ACTA2: variants seen among roughly 807,000 people sequenced by gnomAD.
ACTA2 encodes the protein actin, aortic smooth muscle.
ACTA2 carries 12 observed loss-of-function variants against 39.5 expected under a neutral mutation model. That is an observed-to-expected ratio of 0.30 (90% CI 0.19 to 0.49). ACTA2 has a LOEUF of 0.49. Among genes scored for constraint, ACTA2 ranks in the 20% least tolerant of loss-of-function variants. The pLI is 0.99. For missense variants in ACTA2, 236 were observed against 498.8 expected, an observed-to-expected ratio of 0.47 and a Z score of 5.02; for synonymous variants, 158 against 180.6, an observed-to-expected ratio of 0.88 and a Z score of 1.00.
chr10:88,944,808 T>A (rs1263629789), intron 3 of ACTA2, among the ~76,000 whole-genome samples: 2 of 152,162 alleles, frequency 1.3e-5, no homozygotes, highest in African/African-American at 4.8e-5. Context: ...GAACAAACCA[T>A]TGCAAAAAGG....
intron 1 of ACTA2, among the ~76,000 whole-genome samples, chr10:88,984,287 T>C (rs1337761318): frequency 1.3e-5 from 2 of 152,108 alleles, no homozygotes; most frequent in Non-Finnish European, 2.9e-5. Context: ...TGTAGTCTCC[T>C]AGGGCTGTTG....
rs577487117 is a variant in ACTA2 at position 88,958,398 on chromosome 10, C to T, written c.-23-9445G>A. On this transcript the variant is annotated intron_variant, in intron 1 of 4. Transcript: ENST00000415557. ...ACATAAACTCATTTAATCCTCACAG[C>T]AGCCATAAGGAATACTATTTTTCCC... Among the ~76,000 whole-genome samples, 3 of 152,314 alleles carry T rather than the reference C, an allele frequency of 2.0e-5. No individual in the cohort carries two copies. The East Asian group carries it at 5.8e-4, about 29-fold the overall frequency.
At chr10:88,937,923 T>G in intron 8 of ACTA2, 138 bp downstream of exon 8, 130 of 898,500 alleles carry the variant, frequency 1.4e-4, no homozygotes, top group Non-Finnish European at 2.0e-4. Flanking sequence ...CTGTAAAATA[T>G]GAGATTTGTG....
chr10:88,977,481 C>T (rs556216323), intron 1 of ACTA2, among the ~76,000 whole-genome samples: 21 of 152,088 alleles, frequency 1.4e-4, no homozygotes, highest in Non-Finnish European at 1.3e-4. Flanking sequence ...TGTAGATATG[C>T]GGCGTTCAAC....
chr10:88,964,920 T>G (rs1846294334), intron 1 of ACTA2, among the ~76,000 whole-genome samples: 1 of 152,164 alleles, frequency 6.6e-6, no homozygotes, highest in Admixed American at 6.6e-5. Flanking sequence ...TTTGCAACTT[T>G]CACTCCAAGC....
In ACTA2 at chr10:88,990,728, G is replaced by A. The variant is rs1006257048; in HGVS notation, c.-24+211C>T. 13 of 898,192 alleles carry A rather than the reference G, an allele frequency of 1.4e-5. No individual in the cohort carries two copies. The African/African-American group carries it at 2.1e-4, about 15-fold the overall frequency. 55.6% of individuals were successfully genotyped at this position (898,192 alleles called of 1,614,324 possible). On this transcript the variant is annotated intron_variant, in intron 1 of 4. Coordinates refer to the ACTA2 transcript ENST00000415557. This position sits in a 1 kb window ranked among gnomAD's most constrained non-coding sequence, Gnocchi z 4.9. ...GAAGCGGTTTACGAGTGACTTGGCT[G>A]GAGCCTCAGGGGCGGGCACTGGCAC... is the stretch of plus-strand genomic sequence containing the variant.
rs143315353 is a variant in ACTA2 at position 88,959,237 on chromosome 10, G to A, written c.-23-10284C>T. On this transcript the variant is annotated intron_variant, in intron 1 of 4. Coordinates refer to the ACTA2 transcript ENST00000415557. ...GACTTCCATATTGGACAGCACAGGA[G>A]TAATAAGTTTTAAATTTGGCTGCAA... 8.4e-4 allele frequency among the ~76,000 whole-genome samples: 128 copies of A among 152,276 alleles called. 2 individuals are homozygous for A. The East Asian group carries it at 0.022, about 26-fold the overall frequency.
At chr10:88,963,254 T>C (rs1209332479) in intron 1 of ACTA2, among the ~76,000 whole-genome samples, 2 of 151,842 alleles carry the variant, frequency 1.3e-5, no homozygotes, top group Non-Finnish European at 2.9e-5. Flanking sequence ...TTGAGCAGCA[T>C]AGGTTTGGAG....
upstream of ACTA2, among the ~76,000 whole-genome samples, chr10:88,956,557 A>C (rs565979876): frequency 6.6e-6 from 1 of 152,360 alleles, no homozygotes; most frequent in South Asian, 2.1e-4. Context: ...GTAAGGTAAC[A>C]TATCCACAGG....
chr10:88,965,440 G>A (rs1219340785), intron 1 of ACTA2, among the ~76,000 whole-genome samples: 1 of 152,148 alleles, frequency 6.6e-6, no homozygotes, highest in Non-Finnish European at 1.5e-5. Context: ...CATAAGATAA[G>A]GGACATTCTC....
intron 1 of ACTA2, among the ~76,000 whole-genome samples, chr10:88,967,208 G>C (rs1846334119): frequency 6.6e-6 from 1 of 152,134 alleles, no homozygotes; most frequent in Non-Finnish European, 1.5e-5. Context: ...ATACTGAAGA[G>C]CTCCCAGTTC....
chr10:88,980,561 C>T (rs1011429872), intron 1 of ACTA2, among the ~76,000 whole-genome samples: 6 of 152,196 alleles, frequency 3.9e-5, no homozygotes, highest in Admixed American at 3.9e-4. Flanking sequence ...TGTTCTTATC[C>T]TGCCTACTGC....
At chr10:88,958,102 T>C (rs1296664736) in intron 1 of ACTA2, among the ~76,000 whole-genome samples, 2 of 152,184 alleles carry the variant, frequency 1.3e-5, no homozygotes. Context: ...CTCCTCTGTT[T>C]ATCCATACTA....
chr10:88,977,034 T>C (rs1037144070), intron 1 of ACTA2, among the ~76,000 whole-genome samples: 1 of 152,198 alleles, frequency 6.6e-6, no homozygotes, highest in Non-Finnish European at 1.5e-5. Flanking sequence ...TTTTCTGCTA[T>C]TTTGACATCT....
chr10:88,946,765 T>C (rs1845956186), intron 3 of ACTA2: 1 of 152,172 alleles, frequency 6.6e-6, no homozygotes, highest in East Asian at 1.9e-4. Context: ...TATTATACTT[T>C]AAGTTTTAGG....
At chr10:88,941,064 CA>C in intron 6 of ACTA2, 164 bp downstream of exon 6, 1 of 847,666 alleles carries the variant, frequency 1.2e-6, no homozygotes. Flanking sequence ...AATCATTTTG[CA>C]ACTTCACACA....
At position 88,990,543 on chromosome 10, in the gene ACTA2, C is replaced by T. The variant is rs941859301; in HGVS notation, c.-24+396G>A. 4 of 625,668 alleles carry T rather than the reference C, an allele frequency of 6.4e-6. No individual in the cohort carries two copies. In the African/African-American group the frequency reaches 7.1e-5, roughly 11 times the overall value. 38.8% of individuals were successfully genotyped at this position (625,668 alleles called of 1,614,324 possible). ...ACTTCTCCCCCTCCCTACCCGCGCGCAGGCCAAGTTGCTGAATCAATGGAG... is the reference window on the plus strand; with the variant it reads ...ACTTCTCCCCCTCCCTACCCGCGCGTAGGCCAAGTTGCTGAATCAATGGAG... On this transcript the variant is annotated intron_variant, in intron 1 of 4. Coordinates refer to the ACTA2 transcript ENST00000415557. This position sits in a 1 kb window ranked among gnomAD's most constrained non-coding sequence, Gnocchi z 4.9.
intron 8 of ACTA2, 88 bp downstream of exon 8, chr10:88,937,972 CA>C: frequency 6.6e-7 from 1 of 1,515,988 alleles, no homozygotes; most frequent in Non-Finnish European, 9.1e-7. Context: ...TGCATGTCAC[CA>C]AAATACAGTC....
intron 1 of ACTA2, among the ~76,000 whole-genome samples, chr10:88,982,830 T>C (rs1200237560): frequency 3.3e-5 from 5 of 152,182 alleles, no homozygotes. Context: ...ACATTTCCCA[T>C]CTACTACCAC....
Sources: allele counts gnomAD v4.1 joint callset (sites outside exome capture counted in the v4.1 genomes callset), GRCh38; gene constraint gnomAD v4.1.1; non-coding constraint Gnocchi (gnomAD v3.1); transcripts MANE v1.5; gene names NCBI Gene and HGNC (gene_info 2026-07-23, HGNC 2026-07-21).